PRR5: variants seen among roughly 807,000 people sequenced by gnomAD.
The protein encoded by PRR5 is proline rich 5, also known as proline-rich protein 5.
PRR5 carries 25 observed loss-of-function variants against 30.6 expected under a neutral mutation model. The ratio of observed to expected loss-of-function variants is 0.82; its 90% confidence interval spans 0.60 to 1.14. The LOEUF (loss-of-function observed/expected upper bound fraction) is 1.14. Ranked by LOEUF, PRR5 falls within the 50% of genes most tolerant of loss-of-function variation. PRR5 has a pLI of 0.00. For missense variants in PRR5, 600 were observed against 547.1 expected (o/e 1.10, Z -0.96); for synonymous variants, 286 against 247.1 (o/e 1.16, Z -1.48).
chr22:44,702,174 G>GC (rs1488099370), upstream of PRR5: 11 of 735,650 alleles, frequency 1.5e-5, no homozygotes, highest in South Asian at 6.4e-5. Context: ...GCCGAGACCC[G>GC]CCCCTGGGCC....
At chr22:44,687,569 G>A (rs1924863095) in intron 1 of PRR5, among the ~76,000 whole-genome samples, 1 of 152,166 alleles carries the variant, frequency 6.6e-6, no homozygotes, top group Admixed American at 6.6e-5. Flanking sequence ...TTGTCAGTGG[G>A]TAGATCTTTT....
chr22:44,732,507 C>T (rs1445808627), intron 6 of PRR5, 116 bp downstream of exon 6: 14 of 1,427,434 alleles, frequency 9.8e-6, no homozygotes, highest in Non-Finnish European at 1.3e-5. Flanking sequence ...AAGGAAGGGC[C>T]CGATCAGAGG....
chr22:44,704,134 C>T (rs902504366), intron 1 of PRR5, among the ~76,000 whole-genome samples: 4 of 152,210 alleles, frequency 2.6e-5, no homozygotes, highest in African/African-American at 9.7e-5. Flanking sequence ...ATAAAGCCCT[C>T]AACACAGTGC....
intron 4 of PRR5, chr22:44,730,638 A>G: frequency 1.9e-6 from 2 of 1,026,818 alleles, no homozygotes; most frequent in Non-Finnish European, 2.3e-6. Context: ...GTGTCCCCAT[A>G]CCACTACGTC....
rs575981653 is a variant in PRR5, at chr22:44,706,913, G to A, written c.134+4305G>A. On this transcript the variant is annotated intron_variant, in intron 1 of 7. Coordinates refer to ENST00000336985, the MANE Select transcript of PRR5 (RefSeq NM_181333.4). ...ACAGAACATAAACCAGGACTGCAGAGCTTGTTTCCTGAGTGCCCACTCCTT... is the reference window on the plus strand; with the variant it reads ...ACAGAACATAAACCAGGACTGCAGAACTTGTTTCCTGAGTGCCCACTCCTT... Among the ~76,000 whole-genome samples, 6 of 152,308 alleles carry A rather than the reference G, an allele frequency of 3.9e-5. No individual in the cohort carries two copies. The South Asian group carries it at 1.2e-3, about 32-fold the overall frequency.
intron 1 of PRR5, among the ~76,000 whole-genome samples, chr22:44,710,290 C>T (rs920852931): frequency 2.0e-4 from 31 of 152,128 alleles, no homozygotes; most frequent in Non-Finnish European, 3.5e-4. Context: ...CCTGCACCCC[C>T]CCCCCAGCGC....
At chr22:44,694,785 T>C (rs1281499905) in intron 1 of PRR5, among the ~76,000 whole-genome samples, 1 of 152,076 alleles carries the variant, frequency 6.6e-6, no homozygotes, top group African/African-American at 2.4e-5. Flanking sequence ...TAATAAGTGC[T>C]CACTAACCCC....
intron 2 of PRR5, among the ~76,000 whole-genome samples, chr22:44,724,012 T>A (rs1200529877): frequency 1.3e-5 from 2 of 152,240 alleles, no homozygotes; most frequent in African/African-American, 4.8e-5. Context: ...ATTGTACACA[T>A]CTGTTATCTA....
chr22:44,673,515 G>A (rs1217640829), upstream of PRR5, among the ~76,000 whole-genome samples: 4 of 152,196 alleles, frequency 2.6e-5, no homozygotes, highest in Non-Finnish European at 5.9e-5. Context: ...AGGATAGAAA[G>A]ATATCAGTAT....
At chr22:44,722,856 T>G (rs1395766493) in intron 2 of PRR5, among the ~76,000 whole-genome samples, 2 of 152,204 alleles carry the variant, frequency 1.3e-5, no homozygotes, top group Non-Finnish European at 2.9e-5. Flanking sequence ...AGCATGTTGC[T>G]TTTGAAAACT....
chr22:44,706,079 C>T (rs1362004636), intron 1 of PRR5, among the ~76,000 whole-genome samples: 24 of 152,184 alleles, frequency 1.6e-4, no homozygotes, highest in Admixed American at 1.6e-3. Flanking sequence ...GGATTACAGG[C>T]ATGAGCCACC....
Position 44,737,065 on chromosome 22 carries a change from C to G in PRR5, c.985C>G (p.Pro329Ala). 6.2e-7 allele frequency: 1 copy of G among 1,610,252 alleles called. No individual in the cohort carries two copies. The highest frequency in any genetic ancestry group is 8.5e-7 in the Non-Finnish European group (1 of 1,179,246). ...CAGACTGTACCCCACGACCCAGCCC[C>G]CTGAGCAGGGCTTGGATCCCACCCG... ...PSRLYPTTQP[P>A]EQGLDPTRSS... Residue 329 changes from proline (P) to alanine (A), a missense_variant, in exon 8 of 8, where the codon CCT becomes GCT. By Grantham distance (27) the Pro-to-Ala change is conservative. Transcript: ENST00000336985.
upstream of PRR5, among the ~76,000 whole-genome samples, chr22:44,674,805 GC>G (rs1321063386): frequency 6.6e-6 from 1 of 152,256 alleles, no homozygotes; most frequent in East Asian, 1.9e-4. Flanking sequence ...AATTAGCCGG[GC>G]ATGGTGGCAT....
At chr22:44,730,982 C>T in intron 4 of PRR5, 1 of 433,890 alleles carries the variant, frequency 2.3e-6, no homozygotes, top group Non-Finnish European at 4.8e-6. Context: ...GTCCCCAGTG[C>T]CCAGCATCAG....
intron 1 of PRR5, among the ~76,000 whole-genome samples, chr22:44,671,475 C>T (rs975083050): frequency 2.0e-5 from 3 of 152,090 alleles, no homozygotes; most frequent in Non-Finnish European, 2.9e-5. Context: ...CCCTCCGTCT[C>T]GGAGAGCAGC....
chr22:44,727,117 G>C (rs934972049), intron 4 of PRR5, among the ~76,000 whole-genome samples: 25 of 151,358 alleles, frequency 1.7e-4, no homozygotes, highest in Admixed American at 1.6e-3. Flanking sequence ...GGAGAGTACA[G>C]TGATGATAAG....
At chr22:44,674,103 C>A (rs1005608290), upstream of PRR5, among the ~76,000 whole-genome samples, 1 of 152,122 alleles carries the variant, frequency 6.6e-6, no homozygotes, top group Non-Finnish European at 1.5e-5. Context: ...AGTGTCATTG[C>A]AGCACTACAC....
intron 1 of PRR5, among the ~76,000 whole-genome samples, chr22:44,706,275 A>G (rs1478786986): frequency 6.6e-6 from 1 of 152,208 alleles, no homozygotes; most frequent in African/African-American, 2.4e-5. Flanking sequence ...TCATTCATTC[A>G]TTCGTTTATT....
At chr22:44,721,222 A>T (rs1929886455) in intron 2 of PRR5, among the ~76,000 whole-genome samples, 2 of 152,194 alleles carry the variant, frequency 1.3e-5, no homozygotes, top group Non-Finnish European at 2.9e-5. Context: ...ATTGAAAACG[A>T]AAGCACACTC....
Sources: allele counts gnomAD v4.1 joint callset (sites outside exome capture counted in the v4.1 genomes callset), GRCh38; gene constraint gnomAD v4.1.1; transcripts MANE v1.5; gene names NCBI Gene and HGNC (gene_info 2026-07-23, HGNC 2026-07-21).